TACR3: variants seen among roughly 807,000 people sequenced by gnomAD.
TACR3 encodes the protein tachykinin receptor 3.
In TACR3, 34 loss-of-function variants were observed where a neutral mutation model predicts 35.0. The observed-to-expected ratio is 0.97, with a 90% CI of 0.74 to 1.30. TACR3 has a LOEUF of 1.30. Among genes scored for constraint, TACR3 ranks in the 50% most tolerant of loss-of-function variants. The pLI is 0.00. For missense variants in TACR3, 558 were observed against 591.7 expected (o/e 0.94, Z 0.59); for synonymous variants, 233 against 221.1 (o/e 1.05, Z -0.48).
intron 3 of TACR3, among the ~76,000 whole-genome samples, chr4:103,594,657 G>A (rs1723966524): frequency 6.6e-6 from 1 of 151,968 alleles, no homozygotes; most frequent in African/African-American, 2.4e-5. Flanking sequence ...AACCTACTAA[G>A]GCTATCAGTC....
At chr4:103,608,412 G>A (rs1578224664) in intron 3 of TACR3, among the ~76,000 whole-genome samples, 1 of 152,060 alleles carries the variant, frequency 6.6e-6, no homozygotes, top group South Asian at 2.1e-4. Flanking sequence ...ACTAGAGGCA[G>A]GAGAAAGGGG....
intron 1 of TACR3, among the ~76,000 whole-genome samples, chr4:103,667,626 T>C (rs1353418697): frequency 1.3e-5 from 2 of 152,142 alleles, no homozygotes; most frequent in Non-Finnish European, 2.9e-5. Context: ...TATTATGTAT[T>C]TATAATAATG....
At chr4:103,605,556 A>G (rs1216072812) in intron 3 of TACR3, among the ~76,000 whole-genome samples, 1 of 150,556 alleles carries the variant, frequency 6.6e-6, no homozygotes, top group Non-Finnish European at 1.5e-5. Flanking sequence ...TGTGGTTTTG[A>G]TTTGCATTTC....
chr4:103,669,024 A>G (rs573947410), intron 1 of TACR3, among the ~76,000 whole-genome samples: 1 of 152,266 alleles, frequency 6.6e-6, no homozygotes, highest in South Asian at 2.1e-4. Context: ...GGAATACACA[A>G]TATATTTTTT....
intron 3 of TACR3, among the ~76,000 whole-genome samples, chr4:103,622,701 A>C (rs1362906440): frequency 6.6e-6 from 1 of 152,150 alleles, no homozygotes; most frequent in African/African-American, 2.4e-5. Context: ...AGGTGTTCAG[A>C]GTGAGTCTAG....
At chr4:103,661,759 T>G (rs971304208) in intron 1 of TACR3, among the ~76,000 whole-genome samples, 1 of 152,156 alleles carries the variant, frequency 6.6e-6, no homozygotes, top group African/African-American at 2.4e-5. Flanking sequence ...TATGTTCTCA[T>G]GAACATGTTA....
At chr4:103,623,396 T>TAACA (rs1724826869) in intron 3 of TACR3, among the ~76,000 whole-genome samples, 1 of 151,284 alleles carries the variant, frequency 6.6e-6, no homozygotes, top group African/African-American at 2.4e-5. Context: ...TTTTTTTAAT[T>TAACA]AACAACTTCA....
At chr4:103,697,271 A>AGAC (rs1722540472) in intron 1 of TACR3, among the ~76,000 whole-genome samples, 1 of 152,194 alleles carries the variant, frequency 6.6e-6, no homozygotes, top group African/African-American at 2.4e-5. Flanking sequence ...AGTGGTTCAT[A>AGAC]GACTGAAAAG....
At chr4:103,656,946 A>AAAAACAAAACAAAAC (rs143039935) in intron 2 of TACR3, among the ~76,000 whole-genome samples, 6,652 of 150,942 alleles carry the variant, frequency 0.044, 486 homozygotes, top group African/African-American at 0.15. Context: ...TTAACTTGGT[A>AAAAACAAAACAAAAC]AAAACAAAAC....
chr4:103,634,403 G>T (rs1402231001), intron 3 of TACR3, among the ~76,000 whole-genome samples: 1 of 152,064 alleles, frequency 6.6e-6, no homozygotes, highest in East Asian at 1.9e-4. Context: ...CATAAACAGT[G>T]AGAAGAGAAA....
chr4:103,700,009 C>A (rs1178593800), intron 1 of TACR3, among the ~76,000 whole-genome samples: 1 of 152,090 alleles, frequency 6.6e-6, no homozygotes, highest in Non-Finnish European at 1.5e-5. Flanking sequence ...CAGTGTGCCC[C>A]ATACCTATAC....
In TACR3 at chr4:103,689,258, G is replaced by C. The variant is rs558961969; in HGVS notation, c.548+29870C>G. Among the ~76,000 whole-genome samples, 25 of 131,512 alleles carry C rather than the reference G, an allele frequency of 1.9e-4. 1 individual carries two copies. In the South Asian group the frequency reaches 7.2e-3, roughly 38 times the overall value. 86.3% of individuals were successfully genotyped at this position (131,512 alleles called of 152,430 possible). A position where few individuals can be genotyped will look rare whatever the true frequency, so the allele number is the denominator to read the frequency against. ...CACTCTGGGGACTGTTGTGGGGTCG[G>C]GGGAGGGGGGCGGGATAGCATTGGG... On this transcript the variant is annotated intron_variant, in intron 1 of 4. Coordinates refer to ENST00000304883, the MANE Select transcript of TACR3 (RefSeq NM_001059.3).
intron 1 of TACR3, among the ~76,000 whole-genome samples, chr4:103,677,487 GA>G (rs1437619179): frequency 6.6e-6 from 1 of 152,090 alleles, no homozygotes; most frequent in Non-Finnish European, 1.5e-5. Context: ...ACTAGATAAA[GA>G]AAATGTGGTA....
chr4:103,620,881 A>G (rs539189948), intron 3 of TACR3, among the ~76,000 whole-genome samples: 88 of 130,084 alleles, frequency 6.8e-4, no homozygotes, highest in Non-Finnish European at 1.3e-3. Flanking sequence ...TCTCTAAAAT[A>G]AAAGTTAAAT....
At chr4:103,674,589 G>T (rs1286246542) in intron 1 of TACR3, among the ~76,000 whole-genome samples, 1 of 152,154 alleles carries the variant, frequency 6.6e-6, no homozygotes, top group East Asian at 1.9e-4. Flanking sequence ...GTCTCGCTCT[G>T]TCACCAGGCT....
Position 103,591,412 on chromosome 4 carries a change from A to C in TACR3, c.1085+75T>G, listed in dbSNP as rs374184474. ...TCTGCATTTTGAATTTGAACCAAGA[A>C]AATGGAACAACATTGTATGTTTCCA... On this transcript the variant is annotated intron_variant, in intron 4 of 4. Transcript: ENST00000304883. 3.8e-6 allele frequency: 6 copies of C among 1,567,862 alleles called. No homozygotes were observed. In the African/African-American group the frequency reaches 8.1e-5, roughly 21 times the overall value.
chr4:103,716,215 T>TGTG (rs1723086888), intron 1 of TACR3, among the ~76,000 whole-genome samples: 1 of 143,234 alleles, frequency 7.0e-6, no homozygotes. Context: ...TAATTTTATC[T>TGTG]TGTGTGTGTG....
rs1723152463 is a variant in TACR3 at position 103,719,119 on chromosome 4, T to G, written c.548+9A>C. Reference sequence around the variant, plus strand: ...CTCCCTCTTTCCTCTCTGTCTGTCCTCTCCTCACCTGTCCACCGCAATGGC... The same window carrying G: ...CTCCCTCTTTCCTCTCTGTCTGTCCGCTCCTCACCTGTCCACCGCAATGGC... On this transcript the variant is annotated intron_variant, in intron 1 of 4. Transcript: ENST00000304883. The G allele has an allele frequency of 6.2e-7, 1 of 1,613,998 alleles. No individual in the cohort carries two copies. Among genetic ancestry groups the G allele is most frequent in the Non-Finnish European group, 8.5e-7 (1 of 1,180,010 alleles).
At chr4:103,708,876 C>T (rs1267261347) in intron 1 of TACR3, among the ~76,000 whole-genome samples, 3 of 151,872 alleles carry the variant, frequency 2.0e-5, no homozygotes, top group East Asian at 3.9e-4. Context: ...CTTCAGTAGC[C>T]GATTTGATTA....
Sources: gnomAD v4.1 joint callset for allele counts (sites outside exome capture counted in the v4.1 genomes callset) on GRCh38, gnomAD v4.1.1 for gene constraint, MANE v1.5 for transcripts, NCBI Gene and HGNC (gene_info 2026-07-23, HGNC 2026-07-21) for gene names.